The following ZNF564 variants were observed in gnomAD, a reference collection of about 807,000 sequenced individuals.
ZNF564 encodes zinc finger protein 564.
ZNF564 carries 5 observed loss-of-function variants against 10.5 expected under a neutral mutation model. That is an observed-to-expected ratio of 0.48 (90% CI 0.25 to 1.00). The LOEUF (loss-of-function observed/expected upper bound fraction) is 1.00. ZNF564 is among the 50% of genes least tolerant of loss of function. The pLI is 0.16. For synonymous variants in ZNF564, 242 were observed against 218.1 expected (o/e 1.11, Z -0.97); for missense variants, 603 against 669.7 (o/e 0.90, Z 1.10).
intron 1 of ZNF564, among the ~76,000 whole-genome samples, chr19:12,547,551 T>C (rs545411569): frequency 1.3e-5 from 2 of 152,324 alleles, no homozygotes; most frequent in South Asian, 2.1e-4. Context: ...CAATTAACTA[T>C]TACAACCTCA....
intron 1 of ZNF564, among the ~76,000 whole-genome samples, chr19:12,543,359 G>A (rs1307506526): frequency 2.0e-5 from 3 of 148,614 alleles, no homozygotes; most frequent in African/African-American, 7.4e-5. Flanking sequence ...GGAAGGGGAA[G>A]GGGAAAGGGA....
Position 12,526,804 on chromosome 19 carries a change from C to T in ZNF564, c.1304G>A (p.Arg435Lys), listed in dbSNP as rs2021693572. 2 of 1,613,656 alleles carry T rather than the reference C, an allele frequency of 1.2e-6. No homozygotes were observed. The highest frequency in any genetic ancestry group is 1.7e-6 in the Non-Finnish European group (2 of 1,179,960). The change falls in exon 4 of 4, where the codon AGG becomes AAG. Residue 435 changes from arginine to lysine, a missense_variant. Arg to Lys is a conservative substitution (Grantham distance 26). Coordinates refer to ENST00000339282, the MANE Select transcript of ZNF564 (RefSeq NM_144976.4). ...GTGCAGTATCATATGTTTTCTAATC[C>T]TTTTAAGAGAAATGAAGGCTTTCCC... ...VCGKAFISLK[R>K]IRKHMILHTG...
intron 1 of ZNF564, among the ~76,000 whole-genome samples, chr19:12,544,586 G>A (rs144322302): frequency 6.5e-4 from 99 of 152,214 alleles, no homozygotes; most frequent in African/African-American, 2.4e-3. Flanking sequence ...CGCATGAGAC[G>A]GCTAGATACA....
chr19:12,526,630 C>G lies in ZNF564; in HGVS notation c.1478G>C (p.Arg493Thr), dbSNP rs982437299. 3 of 1,614,016 alleles carry G rather than the reference C, an allele frequency of 1.9e-6. No individual in the cohort carries two copies. The highest frequency in any genetic ancestry group is 3.3e-5 in the Admixed American group (2 of 59,992). Residue 493 changes from arginine (R) to threonine (T), a missense_variant, in exon 4 of 4, where the codon AGA becomes ACA. Transcript: ENST00000339282. ...TCCGGTATGAGTTCTTTCATGTATT[C>G]TAATGGAACTGGCATAATTGAATGC... Reference protein sequence around the residue: ...GKAFNYASSIRIHERTHTGEK... With the variant: ...GKAFNYASSITIHERTHTGEK...
At chr19:12,548,228 T>C in intron 1 of ZNF564, 3 of 981,126 alleles carry the variant, frequency 3.1e-6, no homozygotes, top group Non-Finnish European at 3.6e-6. Context: ...CTTTTTTTTT[T>C]TTTTTTTGAG....
Position 12,528,592 on chromosome 19 carries a change from G to A in ZNF564, c.108C>T (p.Thr36=). Residue 36 remains threonine (T), a synonymous_variant, in exon 2 of 4, where the codon ACC becomes ACT. Transcript: ENST00000339282. ...TACCTACACAGGCCAGGTTTCTAAA[G>A]GTTTCCCGCATCACATCTCTGTAGA... The part of the protein sequence containing the change: ...KKLYRDVMRE[T]FRNLACVGKK... The A allele has an allele frequency of 6.2e-7, 1 of 1,613,832 alleles. No individual in the cohort carries two copies. The highest frequency in any genetic ancestry group is 1.7e-4 in the Middle Eastern group (1 of 6,058).
intron 1 of ZNF564, chr19:12,550,585 G>A (rs902492657): frequency 2.4e-4 from 48 of 203,464 alleles, no homozygotes; most frequent in African/African-American, 1.1e-3. Context: ...GAACCCGGAA[G>A]GCGAAGGTTG....
chr19:12,546,089 AG>A (rs2022146701), intron 1 of ZNF564, among the ~76,000 whole-genome samples: 2 of 152,210 alleles, frequency 1.3e-5, no homozygotes, highest in African/African-American at 4.8e-5. Context: ...TCCCTGTCCC[AG>A]GAACTGCAGA....
chr19:12,535,399 C>T (rs1288313280), intron 1 of ZNF564, among the ~76,000 whole-genome samples: 1 of 151,912 alleles, frequency 6.6e-6, no homozygotes, highest in Non-Finnish European at 1.5e-5. Context: ...AAGTATGTTA[C>T]TAAGTGATAG....
chr19:12,538,956 G>C (rs947025872), intron 1 of ZNF564, among the ~76,000 whole-genome samples: 19 of 151,914 alleles, frequency 1.3e-4, no homozygotes, highest in Non-Finnish European at 4.4e-5. Flanking sequence ...GGCCAGGCGT[G>C]GTGGCTCACG....
chr19:12,547,426 T>C (rs891779105), intron 1 of ZNF564, among the ~76,000 whole-genome samples: 6 of 152,190 alleles, frequency 3.9e-5, no homozygotes, highest in Non-Finnish European at 5.9e-5. Context: ...CTTTTCGTTA[T>C]ACTCCTTTCA....
chr19:12,548,497 G>A (rs1361439884), intron 1 of ZNF564, among the ~76,000 whole-genome samples: 2 of 152,108 alleles, frequency 1.3e-5, no homozygotes, highest in Admixed American at 6.6e-5. Context: ...TTAAAGGCGT[G>A]AGCCACCGTG....
At chr19:12,551,268 G>A (rs543002684) in intron 1 of ZNF564, 62 bp downstream of exon 1, 1 of 1,568,086 alleles carries the variant, frequency 6.4e-7, no homozygotes. Context: ...TCCACAGCCG[G>A]TTCCGGCCGG....
At position 12,541,066 on chromosome 19, in the gene ZNF564, CAA is replaced by C. The variant is rs35848835; in HGVS notation, c.3+10262_3+10263del. Among the ~76,000 whole-genome samples the C allele has an allele frequency of 6.2e-3, 369 of 59,722 alleles. 3 individuals are homozygous for C. Among genetic ancestry groups the C allele is most frequent in the African/African-American group, 0.027 (357 of 13,206 alleles). 39.2% of individuals were successfully genotyped at this position (59,722 alleles called of 152,430 possible). A position where few individuals can be genotyped will look rare whatever the true frequency, so the allele number is the denominator to read the frequency against. On this transcript the variant is annotated intron_variant, in intron 1 of 3. Transcript: ENST00000339282. ...GGAATGTGGCAAAACCCTGTCTCTACAAAAAAAAAAAAAAAAAAAAAAGAAAC... is the reference window on the plus strand; with the variant it reads ...GGAATGTGGCAAAACCCTGTCTCTACAAAAAAAAAAAAAAAAAAAAGAAAC...
chr19:12,534,603 C>A (rs1426354240), intron 1 of ZNF564, among the ~76,000 whole-genome samples: 1 of 152,168 alleles, frequency 6.6e-6, no homozygotes, highest in Non-Finnish European at 1.5e-5. Context: ...CACCTGAGGT[C>A]AGGAGTTCAA....
chr19:12,529,045 ACAGAGAGAGACCCCATCT>A (rs2021749065), intron 1 of ZNF564, among the ~76,000 whole-genome samples: 1 of 152,228 alleles, frequency 6.6e-6, no homozygotes, highest in African/African-American at 2.4e-5. Flanking sequence ...AGCCTGGCTG[ACAGAGAGAGACCCCATCT>A]CAAACAAACA....
intron 1 of ZNF564, among the ~76,000 whole-genome samples, chr19:12,533,490 G>C (rs1259153501): frequency 1.3e-5 from 2 of 152,124 alleles, no homozygotes; most frequent in East Asian, 3.8e-4. Flanking sequence ...AATTTGGGAG[G>C]CCAAGGCGGG....
intron 1 of ZNF564, among the ~76,000 whole-genome samples, chr19:12,546,576 A>T (rs889748480): frequency 2.6e-5 from 4 of 152,044 alleles, no homozygotes; most frequent in Non-Finnish European, 2.9e-5. Context: ...AAATACAAAA[A>T]AAAAATTAGC....
chr19:12,535,883 C>T (rs974034964), intron 1 of ZNF564, among the ~76,000 whole-genome samples: 1 of 151,616 alleles, frequency 6.6e-6, no homozygotes, highest in Non-Finnish European at 1.5e-5. Flanking sequence ...CGGAGTGGTG[C>T]GTGCCTGTAG....
Sources: allele counts gnomAD v4.1 joint callset (sites outside exome capture counted in the v4.1 genomes callset), GRCh38; gene constraint gnomAD v4.1.1; transcripts MANE v1.5; gene names NCBI Gene and HGNC (gene_info 2026-07-23, HGNC 2026-07-21).